The following LAMA3 variants were observed in gnomAD, a reference collection of about 807,000 sequenced individuals.
LAMA3 encodes the protein laminin subunit alpha 3.
A neutral mutation model predicts 402.0 loss-of-function variants in LAMA3; 281 were observed. The observed-to-expected ratio is 0.70, with a 90% confidence interval of 0.63 to 0.77. The LOEUF is 0.77. Among genes scored for constraint, LAMA3 ranks in the 30% least tolerant of loss-of-function variants. The probability of loss-of-function intolerance (pLI) is 0.00; values close to 1 mark genes in which losing one functional copy is unlikely to be tolerated. For synonymous variants in LAMA3, 1,431 were observed against 1,558.4 expected (o/e 0.92, Z 1.93); for missense variants, 3,840 against 4,215.5 (o/e 0.91, Z 2.47).
In LAMA3 at chr18:23,815,517, A is replaced by G; in HGVS notation, c.1991A>G (p.Asp664Gly). The G allele has an allele frequency of 6.2e-7, 1 of 1,614,202 alleles. No individual in the cohort carries two copies. The highest frequency in any genetic ancestry group is 1.1e-5 in the South Asian group (1 of 91,090). Reference protein sequence around the residue: ...CKSHVGGDSCDTCEDGYFALE... With the variant: ...CKSHVGGDSCGTCEDGYFALE... ...TCCCATGTGGGTGGCGATTCCTGCG[A>G]CACCTGTGAAGATGGATATTTTGCT... Residue 664 changes from aspartate (D) to glycine (G), a missense_variant, in exon 17 of 75, where the codon GAC becomes GGC. Coordinates refer to ENST00000313654, the MANE Select transcript of LAMA3 (RefSeq NM_198129.4).
chr18:23,848,665 C>A (rs781497644), intron 32 of LAMA3, among the ~76,000 whole-genome samples: 14 of 152,196 alleles, frequency 9.2e-5, no homozygotes, highest in Non-Finnish European at 1.8e-4. Context: ...CTGCTGGGGA[C>A]AGGCCTCAGT....
intron 6 of LAMA3, among the ~76,000 whole-genome samples, chr18:23,755,281 C>T (rs762799377): frequency 3.3e-5 from 5 of 151,198 alleles, no homozygotes; most frequent in Non-Finnish European, 7.4e-5. Flanking sequence ...CTACTGAACC[C>T]TGGAGACCCT....
In LAMA3 at chr18:23,763,458, C is replaced by T. The variant is rs191816194; in HGVS notation, c.1117C>T (p.Arg373Trp). Residue 373 changes from arginine to tryptophan, a missense_variant, in exon 8 of 75, where the codon CGG becomes TGG. Physicochemically the swap from Arg to Trp is moderately radical, Grantham distance 101 (BLOSUM62 -3). Transcript: ENST00000313654. The stretch of plus-strand genomic sequence containing the variant: ...CTGTTACTATGATCCAGATGTTGAG[C>T]GGCAGCAGGCAAGCTTGAATACCCA... ...SNCYYDPDVE[R>W]QQASLNTQGI... is the part of the protein sequence containing the mutation. 7.2e-5 allele frequency: 116 copies of T among 1,613,838 alleles called. No homozygotes were observed. The highest frequency in any genetic ancestry group is 1.1e-4 in the South Asian group (10 of 91,078).
intron 59 of LAMA3, among the ~76,000 whole-genome samples, chr18:23,915,876 T>C (rs1487113633): frequency 6.6e-6 from 1 of 151,106 alleles, no homozygotes; most frequent in Non-Finnish European, 1.5e-5. Context: ...TGTGATGGTG[T>C]GTGCCTGTAG....
At position 23,901,376 on chromosome 18, in the gene LAMA3, A is replaced by G. The variant is rs1154227; in HGVS notation, c.6201+53A>G. ...TTTCGTTAATAAGGATGAGAGAAGCAGGGATCTTTATTATTAATAAAGTGG... is the reference window on the plus strand; with the variant it reads ...TTTCGTTAATAAGGATGAGAGAAGCGGGGATCTTTATTATTAATAAAGTGG... On this transcript the variant is annotated intron_variant, in intron 48 of 74. Coordinates refer to ENST00000313654, the MANE Select transcript of LAMA3 (RefSeq NM_198129.4). 0.37 allele frequency: 542,616 copies of G among 1,451,370 alleles called. 106,814 individuals are homozygous for G. The highest frequency in any genetic ancestry group is 0.79 in the East Asian group (34,744 of 44,034). 89.9% of individuals were successfully genotyped at this position (1,451,370 alleles called of 1,614,324 possible).
Position 23,876,394 on chromosome 18 carries a change from C to G in LAMA3, c.5099C>G (p.Ser1700Ter), listed in dbSNP as rs754323928. The G allele has an allele frequency of 5.6e-6, 9 of 1,608,460 alleles. No individual in the cohort carries two copies. Among genetic ancestry groups the G allele is most frequent in the Non-Finnish European group, 6.8e-6 (8 of 1,174,918 alleles). The change falls in exon 39 of 75, where the codon TCA (serine) becomes TGA (stop). Residue 1700 changes from serine to a stop codon, truncating the protein, a stop_gained. Transcript: ENST00000313654. LOFTEE classifies it high-confidence loss of function. ...CATTCAAATCAATGCCAGGATGGCT[C>G]AGGCATATGTGTTGTGAGTAAATTG... ...NGHSNQCQDG[S>*]GICVNCQHNT...
chr18:23,878,551 C>T (rs917451036), intron 39 of LAMA3, among the ~76,000 whole-genome samples: 13 of 152,226 alleles, frequency 8.5e-5, no homozygotes, highest in Admixed American at 6.5e-4. Flanking sequence ...CTAACGGCTC[C>T]GTGGCAAGTC....
In LAMA3 at chr18:23,837,076, C is replaced by G; in HGVS notation, c.3080C>G (p.Ala1027Gly). Residue 1027 changes from alanine to glycine, a missense_variant, in exon 25 of 75, where the codon GCC becomes GGC. Physicochemically the swap from Ala to Gly is moderately conservative, Grantham distance 60. This residue lies in a region of LAMA3 where 2,109 missense variants were observed against 2,376.0 expected (regional missense o/e 0.89). Coordinates refer to ENST00000313654, the MANE Select transcript of LAMA3 (RefSeq NM_198129.4). ...GACATTCAGCTCAAGGGACACATGG[C>G]CCGATTCCTTCTGGTATGCTTCTGT... Reference protein sequence around the residue: ...DADIQLKGHMARFLLHQVCII... With the variant: ...DADIQLKGHMGRFLLHQVCII... 6.2e-7 allele frequency: 1 copy of G among 1,607,988 alleles called. No homozygotes were observed. Among genetic ancestry groups the G allele is most frequent in the Non-Finnish European group, 8.5e-7 (1 of 1,174,590 alleles).
chr18:23,830,221 G>A (rs1313162305), intron 23 of LAMA3, among the ~76,000 whole-genome samples: 1 of 152,148 alleles, frequency 6.6e-6, no homozygotes, highest in African/African-American at 2.4e-5. Context: ...TCTTGGAGCA[G>A]GAGTATAGTG....
intron 62 of LAMA3, among the ~76,000 whole-genome samples, chr18:23,923,003 C>G (rs1295076526): frequency 6.6e-6 from 1 of 152,154 alleles, no homozygotes; most frequent in Admixed American, 6.5e-5. Context: ...CAGGAGGGAA[C>G]CTAATCCAAC....
intron 18 of LAMA3, 46 bp from the exon 19 acceptor site, chr18:23,819,795 C>G (rs762710069): frequency 6.5e-7 from 1 of 1,540,126 alleles, no homozygotes; most frequent in Non-Finnish European, 9.0e-7. Context: ...TTCAGATGAT[C>G]TATGGACCTA....
At chr18:23,764,790 G>A (rs1024280096) in intron 8 of LAMA3, among the ~76,000 whole-genome samples, 1 of 152,050 alleles carries the variant, frequency 6.6e-6, no homozygotes, top group Admixed American at 6.6e-5. Context: ...GTACATTTTA[G>A]CAGCATAATT....
chr18:23,928,491 A>G, intron 63 of LAMA3, 134 bp from the exon 64 acceptor site: 1 of 972,338 alleles, frequency 1.0e-6, no homozygotes, highest in Non-Finnish European at 1.7e-6. Flanking sequence ...TATGCAGAAA[A>G]GTAAGCTCTC....
intron 40 of LAMA3, among the ~76,000 whole-genome samples, chr18:23,884,153 A>G (rs6508004): frequency 0.63 from 96,153 of 151,468 alleles, 31,042 homozygotes; most frequent in African/African-American, 0.69. Context: ...TTTTGGCTAA[A>G]ATCAAGTGTA....
chr18:23,812,169 A>G (rs183065697), intron 13 of LAMA3, among the ~76,000 whole-genome samples: 59 of 152,236 alleles, frequency 3.9e-4, no homozygotes, highest in East Asian at 3.3e-3. Context: ...CACCACTCCC[A>G]GCCTCTAGAA....
intron 56 of LAMA3, 146 bp from the exon 57 acceptor site, chr18:23,914,264 A>G (rs925792420): frequency 7.7e-6 from 6 of 783,588 alleles, no homozygotes; most frequent in African/African-American, 3.4e-5. Context: ...ATATTATTCT[A>G]TAAAATATTG....
chr18:23,764,520 G>A (rs1161962090), intron 8 of LAMA3, among the ~76,000 whole-genome samples: 2 of 151,702 alleles, frequency 1.3e-5, no homozygotes, highest in Non-Finnish European at 2.9e-5. Context: ...TTCTCTCAGT[G>A]ATATTATGTT....
chr18:23,706,178 G>A (rs1255838600), intron 1 of LAMA3, among the ~76,000 whole-genome samples: 1 of 151,928 alleles, frequency 6.6e-6, no homozygotes, highest in Non-Finnish European at 1.5e-5. Flanking sequence ...TGCTTATATA[G>A]TTATTAATTG....
intron 29 of LAMA3, among the ~76,000 whole-genome samples, chr18:23,843,293 C>A (rs1028526397): frequency 6.6e-6 from 1 of 152,150 alleles, no homozygotes; most frequent in South Asian, 2.1e-4. Flanking sequence ...CCATCTCCTG[C>A]GTATCTGCCT....
Sources: gnomAD v4.1 joint callset for allele counts (sites outside exome capture counted in the v4.1 genomes callset) on GRCh38, gnomAD v4.1.1 for gene constraint, gnomAD v4.1.1 regional missense constraint, MANE v1.5 for transcripts, NCBI Gene and HGNC (gene_info 2026-07-23, HGNC 2026-07-21) for gene names.